The following SAMD12 variants were observed in gnomAD, a reference collection of about 807,000 sequenced individuals.
SAMD12 encodes the protein sterile alpha motif domain-containing protein 12.
In SAMD12, 9 loss-of-function variants were observed where a neutral mutation model predicts 15.0. The ratio of observed to expected loss-of-function variants is 0.60; its 90% CI spans 0.36 to 1.05. The LOEUF is 1.05. Among genes scored for constraint, SAMD12 ranks in the 50% least tolerant of loss-of-function variants. The pLI is 0.01. For synonymous variants in SAMD12, 86 were observed against 90.1 expected, an observed-to-expected ratio of 0.96 and a Z score of 0.25; for missense variants, 230 against 234.2, an observed-to-expected ratio of 0.98 and a Z score of 0.12.
chr8:118,479,825 G>A (rs1315668470), intron 2 of SAMD12, among the ~76,000 whole-genome samples: 1 of 151,692 alleles, frequency 6.6e-6, no homozygotes, highest in African/African-American at 2.4e-5. Context: ...CTGCAAAAGT[G>A]GGTATGTTTG....
chr8:118,365,468 G>A (rs1288797337), intron 4 of SAMD12, among the ~76,000 whole-genome samples: 1 of 152,134 alleles, frequency 6.6e-6, no homozygotes, highest in Admixed American at 6.6e-5. Flanking sequence ...AGGACAACTT[G>A]TTTCGTTCTC....
chr8:118,397,853 T>C (rs925400722), intron 3 of SAMD12, among the ~76,000 whole-genome samples: 2 of 152,118 alleles, frequency 1.3e-5, no homozygotes, highest in African/African-American at 4.8e-5. Context: ...AGTGCAGTGG[T>C]GCAATCACAG....
At chr8:118,231,642 C>A (rs1812311954) in intron 4 of SAMD12, among the ~76,000 whole-genome samples, 1 of 152,076 alleles carries the variant, frequency 6.6e-6, no homozygotes, top group East Asian at 1.9e-4. Flanking sequence ...TTTTAAAACT[C>A]TTTATTGATT....
At chr8:118,612,491 AC>A (rs1828133930) in intron 1 of SAMD12, among the ~76,000 whole-genome samples, 1 of 152,092 alleles carries the variant, frequency 6.6e-6, no homozygotes, top group South Asian at 2.1e-4. Flanking sequence ...CAAGAAACTC[AC>A]CTCTGGACAA....
chr8:118,154,120 G>A, the SAMD12 span, among the ~76,000 whole-genome samples: 2 of 146,332 alleles, frequency 1.4e-5, no homozygotes, highest in Non-Finnish European at 1.5e-5. Context: ...TTAAGCAAAA[G>A]TCAAAGAATA....
rs973651098 is a variant in SAMD12, at chr8:118,551,905, G to A, written c.192+28810C>T. On this transcript the variant is annotated intron_variant, in intron 2 of 3. Transcript: ENST00000314727. ...CAGAGAATACTACAAATACGTCTAC[G>A]CAAATAAACTAGAAAATCTAGAAGA... is the stretch of plus-strand genomic sequence containing the variant. Among the ~76,000 whole-genome samples the A allele has an allele frequency of 4.8e-4, 73 of 151,056 alleles. 1 individual carries two copies. Among genetic ancestry groups the A allele is most frequent in the African/African-American group, 1.5e-3 (61 of 40,966 alleles).
chr8:118,391,149 C>G (rs1230071900), intron 3 of SAMD12, among the ~76,000 whole-genome samples: 2 of 152,184 alleles, frequency 1.3e-5, no homozygotes, highest in South Asian at 2.1e-4. Flanking sequence ...TTTTTAAAAA[C>G]CCTAAAAGAT....
At chr8:118,158,988 T>G in the SAMD12 span, among the ~76,000 whole-genome samples, 1 of 152,002 alleles carries the variant, frequency 6.6e-6, no homozygotes, top group Non-Finnish European at 1.5e-5. Flanking sequence ...TCTTCCTGAA[T>G]GCGGGACAAG....
intron 2 of SAMD12, among the ~76,000 whole-genome samples, chr8:118,453,241 T>C (rs1376955494): frequency 1.3e-5 from 2 of 152,176 alleles, no homozygotes; most frequent in African/African-American, 2.4e-5. Context: ...CCAAGTATGA[T>C]GGTAAATTGA....
At chr8:118,544,102 C>T (rs926569056) in intron 2 of SAMD12, among the ~76,000 whole-genome samples, 6 of 152,090 alleles carry the variant, frequency 3.9e-5, no homozygotes, top group South Asian at 2.1e-4. Context: ...ATGGTTTAGG[C>T]GAGTCCGTCG....
chr8:118,610,916 G>T (rs1038982121), intron 1 of SAMD12, among the ~76,000 whole-genome samples: 12 of 152,172 alleles, frequency 7.9e-5, no homozygotes, highest in Admixed American at 5.9e-4. Flanking sequence ...ATCAGTCAGG[G>T]TCTCCTAAAT....
At chr8:118,425,155 G>A (rs553540522) in intron 3 of SAMD12, among the ~76,000 whole-genome samples, 48 of 152,212 alleles carry the variant, frequency 3.2e-4, no homozygotes, top group Non-Finnish European at 3.8e-4. Context: ...AGCCAGGATG[G>A]TCTCAATTTC....
intron 3 of SAMD12, 84 bp from the exon 4 acceptor site, chr8:118,379,784 C>T: frequency 6.6e-7 from 1 of 1,510,508 alleles, no homozygotes; most frequent in Non-Finnish European, 8.9e-7. Context: ...ACTAACCCTG[C>T]CATCACAGAA....
chr8:118,184,796 C>A (rs1004762436), downstream of SAMD12, among the ~76,000 whole-genome samples: 3 of 152,150 alleles, frequency 2.0e-5, no homozygotes, highest in East Asian at 5.8e-4. Context: ...CTAAGCCTGG[C>A]TCCCTCTTTA....
At chr8:118,202,649 C>T (rs1224402987) in intron 4 of SAMD12, among the ~76,000 whole-genome samples, 1 of 152,142 alleles carries the variant, frequency 6.6e-6, no homozygotes, top group East Asian at 1.9e-4. Context: ...ATCCAGGCAG[C>T]CCCACGTCTC....
At chr8:118,322,723 T>C (rs1012426144) in intron 4 of SAMD12, among the ~76,000 whole-genome samples, 1 of 152,200 alleles carries the variant, frequency 6.6e-6, no homozygotes, top group Non-Finnish European at 1.5e-5. Flanking sequence ...AGTATTTTAC[T>C]ATCCAAGTGA....
intron 4 of SAMD12, among the ~76,000 whole-genome samples, chr8:118,365,558 T>TA (rs1158175965): frequency 2.6e-5 from 4 of 152,080 alleles, no homozygotes; most frequent in Non-Finnish European, 5.9e-5. Context: ...CTCTGGGACT[T>TA]ACACCAGCAG....
chr8:118,321,144 A>AATAAATAAATAAATATATAT (rs57107358), intron 4 of SAMD12, among the ~76,000 whole-genome samples: 1 of 94,500 alleles, frequency 1.1e-5, no homozygotes, highest in South Asian at 4.0e-4. Flanking sequence ...ATAGATAATA[A>AATAAATAAATAAATATATAT]ATATATATAT....
chr8:118,550,158 GA>G (rs1826278292), intron 2 of SAMD12, among the ~76,000 whole-genome samples: 1 of 152,092 alleles, frequency 6.6e-6, no homozygotes, highest in Non-Finnish European at 1.5e-5. Flanking sequence ...CCAACATTCA[GA>G]TTCAGGAAAC....
Sources: gnomAD v4.1 joint callset for allele counts (sites outside exome capture counted in the v4.1 genomes callset) on GRCh38, gnomAD v4.1.1 for gene constraint, MANE v1.5 for transcripts, NCBI Gene and HGNC (gene_info 2026-07-23, HGNC 2026-07-21) for gene names.